The following CSMD3 variants were observed in gnomAD, a reference collection of about 807,000 sequenced individuals.
CSMD3 encodes the protein CUB and Sushi multiple domains 3.
CSMD3 carries 177 observed loss-of-function variants against 435.2 expected under a neutral mutation model. The observed-to-expected ratio is 0.41, with a 90% CI of 0.36 to 0.46. The LOEUF (loss-of-function observed/expected upper bound fraction) is 0.46, where lower values mean the gene tolerates loss of function less well. Ranked by LOEUF, CSMD3 falls within the 20% of genes least tolerant of loss-of-function variation. The pLI, the probability that CSMD3 is intolerant of heterozygous loss-of-function variation, is 0.34. For missense variants in CSMD3, 4,265 were observed against 4,504.6 expected (o/e 0.95, Z 1.52); for synonymous variants, 1,656 against 1,520.5 (o/e 1.09, Z -2.07).
intron 13 of CSMD3, among the ~76,000 whole-genome samples, chr8:112,751,815 T>C (rs67283028): frequency 1.3e-5 from 2 of 151,648 alleles, no homozygotes; most frequent in Non-Finnish European, 2.9e-5. Context: ...CTTTTTATTA[T>C]TATTATTTTA....
intron 3 of CSMD3, among the ~76,000 whole-genome samples, chr8:113,269,248 A>G (rs1019405012): frequency 5.9e-5 from 9 of 152,150 alleles, no homozygotes; most frequent in Admixed American, 4.6e-4. Flanking sequence ...AATCTAACTT[A>G]CAAGGGACGA....
intron 10 of CSMD3, among the ~76,000 whole-genome samples, chr8:112,916,788 G>C (rs1290384439): frequency 2.0e-5 from 3 of 151,830 alleles, no homozygotes; most frequent in Non-Finnish European, 4.4e-5. Flanking sequence ...CAAACTGTTG[G>C]TTACAATTAA....
intron 10 of CSMD3, among the ~76,000 whole-genome samples, chr8:112,889,004 T>C (rs928824090): frequency 6.6e-6 from 1 of 151,684 alleles, no homozygotes; most frequent in Non-Finnish European, 1.5e-5. Flanking sequence ...TTGATTCCAC[T>C]GGATATTTTT....
intron 6 of CSMD3, among the ~76,000 whole-genome samples, chr8:112,997,239 C>A (rs2085687206): frequency 6.6e-6 from 1 of 151,516 alleles, no homozygotes; most frequent in Non-Finnish European, 1.5e-5. Flanking sequence ...TTTTCTTTTT[C>A]TAAAAGTCAC....
At chr8:112,916,730 C>T (rs2082582841) in intron 10 of CSMD3, among the ~76,000 whole-genome samples, 1 of 151,846 alleles carries the variant, frequency 6.6e-6, no homozygotes, top group Non-Finnish European at 1.5e-5. Flanking sequence ...AACAGGAAGC[C>T]TACTAGAGCA....
intron 1 of CSMD3, among the ~76,000 whole-genome samples, chr8:113,335,444 T>C (rs553255119): frequency 7.2e-5 from 11 of 151,966 alleles, no homozygotes; most frequent in Non-Finnish European, 1.3e-4. Flanking sequence ...TATTTCTCTA[T>C]TATTTTCTCT....
At chr8:113,136,499 T>C (rs1475684029) in intron 4 of CSMD3, among the ~76,000 whole-genome samples, 1 of 151,704 alleles carries the variant, frequency 6.6e-6, no homozygotes, top group Non-Finnish European at 1.5e-5. Context: ...AAAGGCAAAA[T>C]CTTAGAGTGC....
chr8:112,319,563 G>A (rs188741541), intron 46 of CSMD3, among the ~76,000 whole-genome samples: 169 of 152,224 alleles, frequency 1.1e-3, no homozygotes, highest in Non-Finnish European at 1.8e-3. Context: ...TGCCAAGTCA[G>A]GCATAGGCCT....
chr8:112,573,721 T>A (rs1586713678), intron 23 of CSMD3, 64 bp from the exon 24 acceptor site: 2 of 1,285,466 alleles, frequency 1.6e-6, no homozygotes, highest in Non-Finnish European at 2.2e-6. Context: ...GAGCATGTAT[T>A]TGTATCTATG....
chr8:113,125,375 C>A (rs953237034), intron 4 of CSMD3, among the ~76,000 whole-genome samples: 1 of 151,896 alleles, frequency 6.6e-6, no homozygotes, highest in South Asian at 2.1e-4. Flanking sequence ...ATATTCCCTT[C>A]TACAGTTCAG....
intron 12 of CSMD3, among the ~76,000 whole-genome samples, chr8:112,823,578 A>G (rs2079588054): frequency 6.6e-6 from 1 of 152,078 alleles, no homozygotes; most frequent in Non-Finnish European, 1.5e-5. Flanking sequence ...TTCATTATTT[A>G]CCCAGGAGTC....
At chr8:112,812,130 C>G (rs951126208) in intron 12 of CSMD3, among the ~76,000 whole-genome samples, 3 of 152,094 alleles carry the variant, frequency 2.0e-5, no homozygotes, top group African/African-American at 7.2e-5. Context: ...ATTGATGCAG[C>G]CAGCAGGAGG....
At position 112,987,543 on chromosome 8, in the gene CSMD3, C is replaced by T. The variant is rs745734460; in HGVS notation, c.1031-11395G>A. Among the ~76,000 whole-genome samples the T allele has an allele frequency of 4.6e-5, 7 of 152,020 alleles. 1 individual carries two copies. The highest frequency in any genetic ancestry group is 4.1e-4 in the South Asian group (2 of 4,822). On this transcript the variant is annotated intron_variant, in intron 6 of 70. Transcript: ENST00000297405. ...AACCTATGAGCTAATAATGATAAAGCGCAGAGCTGCTTCAAAACATACACT... is the reference window on the plus strand; with the variant it reads ...AACCTATGAGCTAATAATGATAAAGTGCAGAGCTGCTTCAAAACATACACT...
intron 4 of CSMD3, among the ~76,000 whole-genome samples, chr8:113,137,227 CTAAGTT>C (rs1283662505): frequency 6.6e-6 from 1 of 151,528 alleles, no homozygotes; most frequent in Non-Finnish European, 1.5e-5. Flanking sequence ...ACGTTGTTAA[CTAAGTT>C]TAAGAGTTTA....
At position 112,265,345 on chromosome 8, in the gene CSMD3, G is replaced by C. The variant is rs1358172806; in HGVS notation, c.9688+66C>G. The C allele has an allele frequency of 2.5e-6, 3 of 1,208,284 alleles. No individual in the cohort carries two copies. The African/African-American group carries it at 4.6e-5, about 19-fold the overall frequency. The allele number at this position is 1,208,284 out of a possible 1,614,324, so 74.8% of individuals were successfully genotyped here. On this transcript the variant is annotated intron_variant, in intron 60 of 70. Transcript: ENST00000297405. Reference sequence around the variant, plus strand: ...TTTTATTTAAGTATACTTTAAATTTGTATATAAAAATAAGAAAATATGTAC... The same window carrying C: ...TTTTATTTAAGTATACTTTAAATTTCTATATAAAAATAAGAAAATATGTAC...
chr8:112,650,420 T>C (rs750151044), intron 18 of CSMD3, 71 bp from the exon 19 acceptor site: 1 of 1,191,168 alleles, frequency 8.4e-7, no homozygotes. Flanking sequence ...TAATTCCTAG[T>C]TCTTCAAACA....
chr8:113,026,058 G>T (rs937607427), intron 5 of CSMD3, among the ~76,000 whole-genome samples: 5 of 152,134 alleles, frequency 3.3e-5, no homozygotes, highest in Admixed American at 3.3e-4. Flanking sequence ...GATAGGGGGT[G>T]CACATAGGCT....
At chr8:112,642,340 C>T (rs529334637) in intron 20 of CSMD3, among the ~76,000 whole-genome samples, 4 of 152,098 alleles carry the variant, frequency 2.6e-5, no homozygotes, top group South Asian at 2.1e-4. Context: ...ACTTCTACAA[C>T]GTGTTTAAGG....
chr8:112,692,671 C>A (rs995370745), intron 13 of CSMD3, among the ~76,000 whole-genome samples: 1 of 152,076 alleles, frequency 6.6e-6, no homozygotes, highest in African/African-American at 2.4e-5. Context: ...TTAGTTTATA[C>A]AACAAACAGT....
Sources: gnomAD v4.1 joint callset for allele counts (sites outside exome capture counted in the v4.1 genomes callset) on GRCh38, gnomAD v4.1.1 for gene constraint, MANE v1.5 for transcripts, NCBI Gene and HGNC (gene_info 2026-07-23, HGNC 2026-07-21) for gene names.